Variants in DLGAP2 observed in about 807,000 individuals in gnomAD.
The protein encoded by DLGAP2 is disks large-associated protein 2.
Under a neutral mutation model 100.3 loss-of-function variants are expected in DLGAP2, and 26 were observed. The ratio of observed to expected loss-of-function variants is 0.26; its 90% CI spans 0.19 to 0.36. The LOEUF (loss-of-function observed/expected upper bound fraction) is 0.36. Ranked by LOEUF, DLGAP2 falls within the 10% of genes least tolerant of loss-of-function variation. The pLI is 1.00. For synonymous variants in DLGAP2, 886 were observed against 630.1 expected (o/e 1.41, Z -6.08); for missense variants, 1,858 against 1,453.2 (o/e 1.28, Z -4.53).
intron 6 of DLGAP2, among the ~76,000 whole-genome samples, chr8:1,568,429 C>G (rs1417600230): frequency 6.9e-6 from 1 of 145,800 alleles, no homozygotes; most frequent in African/African-American, 2.6e-5. Flanking sequence ...TCAGCAGACA[C>G]AAATCCACTC....
intron 13 of DLGAP2, among the ~76,000 whole-genome samples, chr8:1,695,123 G>A (rs1358247180): frequency 2.6e-5 from 4 of 152,232 alleles, no homozygotes; most frequent in Non-Finnish European, 4.4e-5. Flanking sequence ...CATCCCCCAG[G>A]AGATGTGACC....
At chr8:1,547,666 C>T (rs1258308941) in intron 4 of DLGAP2, among the ~76,000 whole-genome samples, 2 of 152,154 alleles carry the variant, frequency 1.3e-5, no homozygotes, top group East Asian at 3.9e-4. Flanking sequence ...CGACCTGCCC[C>T]TTGGTGGCTC....
intron 2 of DLGAP2, among the ~76,000 whole-genome samples, chr8:1,227,248 G>C (rs769341182): frequency 7.3e-6 from 1 of 136,374 alleles, no homozygotes; most frequent in Non-Finnish European, 1.5e-5. Flanking sequence ...ACACAGAATG[G>C]GATATTATTC....
At position 778,397 on chromosome 8, in the gene DLGAP2, G is replaced by A. The variant is rs1013977611; in HGVS notation, c.18+40572G>A. On this transcript the variant is annotated intron_variant, in intron 1 of 14. Transcript: ENST00000637795. ...TGTTCCGTTGCTGGTGAGGAACTGCGTTCCGTTGGAGGAGGAGAGGCGCTC... is the reference window on the plus strand; with the variant it reads ...TGTTCCGTTGCTGGTGAGGAACTGCATTCCGTTGGAGGAGGAGAGGCGCTC... 8.5e-5 allele frequency among the ~76,000 whole-genome samples: 13 copies of A among 152,330 alleles called. No homozygotes were observed. In the South Asian group the frequency reaches 1.2e-3, roughly 15 times the overall value.
chr8:1,550,232 T>A (rs1281556841), intron 5 of DLGAP2, among the ~76,000 whole-genome samples: 1 of 152,226 alleles, frequency 6.6e-6, no homozygotes, highest in Non-Finnish European at 1.5e-5. Context: ...CCCCTGTGTA[T>A]GTACCGCATC....
rs180761311 is a variant in DLGAP2 at position 1,499,040 on chromosome 8, G to A, written c.107-2326G>A. The stretch of plus-strand genomic sequence containing the variant: ...CTCTCATCTGATAAACAGCAAGGGC[G>A]GGTGGGAGGAGATCAGGCAAGGAAG... On this transcript the variant is annotated intron_variant, in intron 3 of 14. Coordinates refer to ENST00000637795, the MANE Select transcript of DLGAP2 (RefSeq NM_001346810.2). Among the ~76,000 whole-genome samples, 9 of 152,356 alleles carry A rather than the reference G, an allele frequency of 5.9e-5. No individual in the cohort carries two copies. The East Asian group carries it at 1.7e-3, about 29-fold the overall frequency.
intron 1 of DLGAP2, among the ~76,000 whole-genome samples, chr8:846,034 C>T (rs547530422): frequency 7.2e-5 from 11 of 152,310 alleles, no homozygotes; most frequent in Admixed American, 1.3e-4. Flanking sequence ...TACACACTTA[C>T]GGAGTACAAT....
chr8:1,696,150 T>G (rs1799393148), intron 13 of DLGAP2, among the ~76,000 whole-genome samples: 1 of 152,178 alleles, frequency 6.6e-6, no homozygotes, highest in South Asian at 2.1e-4. Flanking sequence ...CTCCTCTGAC[T>G]CTTTTAAATC....
At chr8:1,540,890 G>C (rs1012856963) in intron 4 of DLGAP2, among the ~76,000 whole-genome samples, 10 of 152,254 alleles carry the variant, frequency 6.6e-5, no homozygotes, top group South Asian at 2.1e-4. Context: ...TTTAGAAACA[G>C]TAGAATTTTT....
intron 1 of DLGAP2, among the ~76,000 whole-genome samples, chr8:776,094 G>C (rs1420840150): frequency 3.2e-4 from 49 of 151,322 alleles, no homozygotes; most frequent in African/African-American, 1.2e-3. Flanking sequence ...TGTATGTGTT[G>C]AGGAATTTAT....
At chr8:1,507,365 G>T (rs988797775) in intron 4 of DLGAP2, among the ~76,000 whole-genome samples, 5 of 152,214 alleles carry the variant, frequency 3.3e-5, no homozygotes, top group Non-Finnish European at 5.9e-5. Flanking sequence ...ACTGCTGGGG[G>T]ACCCAGCACA....
intron 2 of DLGAP2, among the ~76,000 whole-genome samples, chr8:1,191,108 G>A (rs1421723771): frequency 6.6e-6 from 1 of 152,078 alleles, no homozygotes; most frequent in African/African-American, 2.4e-5. Context: ...ATTTACGTGG[G>A]ATGTCTTGCA....
At chr8:1,561,421 G>GAC (rs950622831) in intron 5 of DLGAP2, among the ~76,000 whole-genome samples, 1 of 152,146 alleles carries the variant, frequency 6.6e-6, no homozygotes, top group African/African-American at 2.4e-5. Flanking sequence ...GAGCACCACA[G>GAC]ACACCGCCTG....
intron 4 of DLGAP2, among the ~76,000 whole-genome samples, chr8:1,536,957 G>C (rs560133846): frequency 6.6e-6 from 1 of 152,066 alleles, no homozygotes; most frequent in South Asian, 2.1e-4. Flanking sequence ...GTTTACCTCT[G>C]TTGGCTCATT....
intron 4 of DLGAP2, among the ~76,000 whole-genome samples, chr8:1,536,704 T>G (rs984665546): frequency 6.6e-6 from 1 of 152,218 alleles, no homozygotes; most frequent in Non-Finnish European, 1.5e-5. Flanking sequence ...AACCCGCGTT[T>G]GGTCTCATAT....
chr8:1,523,395 C>G (rs990511288), intron 4 of DLGAP2, among the ~76,000 whole-genome samples: 1 of 152,236 alleles, frequency 6.6e-6, no homozygotes, highest in Non-Finnish European at 1.5e-5. Flanking sequence ...GCCGGCCTCA[C>G]GCCGGCCGAG....
intron 2 of DLGAP2, among the ~76,000 whole-genome samples, chr8:1,081,170 A>G (rs544134661): frequency 6.6e-6 from 1 of 152,280 alleles, no homozygotes; most frequent in South Asian, 2.1e-4. Context: ...TGAAATAATA[A>G]TGATATTAAT....
At chr8:1,698,390 C>T (rs932147166) in intron 14 of DLGAP2, among the ~76,000 whole-genome samples, 1 of 149,698 alleles carries the variant, frequency 6.7e-6, no homozygotes, top group Non-Finnish European at 1.5e-5. Flanking sequence ...CCACGTAAGC[C>T]ATGCGTGGGA....
chr8:1,537,724 A>AGGAT lies in DLGAP2; in HGVS notation c.173-10898_173-10895dup, dbSNP rs200076040. Among the ~76,000 whole-genome samples, 10 of 122,204 alleles carry AGGAT rather than the reference A, an allele frequency of 8.2e-5. No homozygotes were observed. The South Asian group carries it at 1.1e-3, about 14-fold the overall frequency. 80.2% of individuals were successfully genotyped at this position (122,204 alleles called of 152,430 possible). On this transcript the variant is annotated intron_variant, in intron 4 of 14. Transcript: ENST00000637795. Reference sequence around the variant, plus strand: ...ATGGAAGGATGGATGGATGGATGAAAGGATGGAAGGAAGGAAGGAAGGAAG... The same window carrying AGGAT: ...ATGGAAGGATGGATGGATGGATGAAAGGATGGATGGAAGGAAGGAAGGAAGGAAG...
Sources: allele counts gnomAD v4.1 joint callset (sites outside exome capture counted in the v4.1 genomes callset), GRCh38; gene constraint gnomAD v4.1.1; transcripts MANE v1.5; gene names NCBI Gene and HGNC (gene_info 2026-07-23, HGNC 2026-07-21).